The following ANK1 variants were observed in gnomAD, a reference collection of about 807,000 sequenced individuals.
ANK1 encodes ankyrin-1.
In ANK1, 51 loss-of-function variants were observed where a neutral mutation model predicts 210.4. That is an observed-to-expected ratio of 0.24 (90% CI 0.19 to 0.31). ANK1 has a LOEUF of 0.31. Ranked by LOEUF, ANK1 falls within the 10% of genes least tolerant of loss-of-function variation. ANK1 has a pLI of 1.00. For synonymous variants in ANK1, 967 were observed against 1,025.9 expected, an observed-to-expected ratio of 0.94 and a Z score of 1.10; for missense variants, 2,051 against 2,504.4, an observed-to-expected ratio of 0.82 and a Z score of 3.86.
chr8:41,860,509 G>A (rs758782023), intron 1 of ANK1, among the ~76,000 whole-genome samples: 1 of 152,228 alleles, frequency 6.6e-6, no homozygotes, highest in African/African-American at 2.4e-5. Flanking sequence ...CTAAGACGCT[G>A]TAGGCTGTGG....
intron 13 of ANK1, among the ~76,000 whole-genome samples, chr8:41,716,659 G>A (rs764088626): frequency 1.3e-5 from 2 of 152,136 alleles, no homozygotes; most frequent in African/African-American, 2.4e-5. Flanking sequence ...TCTTTAAAAC[G>A]TTGCCCCCCT....
intron 1 of ANK1, among the ~76,000 whole-genome samples, chr8:41,811,351 A>G (rs1802450702): frequency 6.6e-6 from 1 of 152,244 alleles, no homozygotes. Context: ...ACAAGAAACA[A>G]GTTAGCCTAT....
At position 41,708,968 on chromosome 8, in the gene ANK1, T is replaced by C; in HGVS notation, c.1808A>G (p.Tyr603Cys). Residue 603 changes from tyrosine to cysteine, a missense_variant, in exon 17 of 43, where the codon TAC becomes TGC. Coordinates refer to ENST00000289734, the MANE Select transcript of ANK1 (RefSeq NM_000037.4). ...CTTGGCAGCGATGTGCAAAGGGGTG[T>C]AGCCATTCTGAAACAGAAGAAGCCG... The part of the protein sequence containing the change: ...GSPHSPAWNG[Y>C]TPLHIAAKQN... The C allele has an allele frequency of 6.2e-7, 1 of 1,613,968 alleles. No homozygotes were observed.
At chr8:41,680,553 G>A (rs1201467935) in intron 37 of ANK1, among the ~76,000 whole-genome samples, 6 of 138,124 alleles carry the variant, frequency 4.3e-5, no homozygotes, top group Admixed American at 7.4e-5. Context: ...CAACAAGGGT[G>A]AAACTCTATC....
chr8:41,767,100 C>G (rs1013790662), intron 1 of ANK1, among the ~76,000 whole-genome samples: 1 of 152,288 alleles, frequency 6.6e-6, no homozygotes, highest in East Asian at 1.9e-4. Context: ...AACCCCGGCT[C>G]CAGCCCCTCC....
intron 1 of ANK1, among the ~76,000 whole-genome samples, chr8:41,830,261 CTTCTT>C (rs1450570197): frequency 2.0e-5 from 3 of 150,748 alleles, no homozygotes; most frequent in African/African-American, 7.3e-5. Context: ...CAAAGCCCCT[CTTCTT>C]TTCTTCAAAA....
In ANK1 at chr8:41,851,495, T is replaced by TGG. The variant is rs557474799; in HGVS notation, c.126+44858_126+44859dup. On this transcript the variant is annotated intron_variant, in intron 1 of 42. Transcript: ENST00000265709. ...ACTGCTTCCTGCCCTTCCTGCCTGC[T>TGG]GGGCCTCACTTCCTGCAGTACGACT... is the stretch of plus-strand genomic sequence containing the variant. 1.2e-4 allele frequency among the ~76,000 whole-genome samples: 18 copies of TGG among 152,366 alleles called. No homozygotes were observed. The East Asian group carries it at 3.1e-3, about 26-fold the overall frequency.
In ANK1 at chr8:41,694,467, A is replaced by G; in HGVS notation, c.3327+125T>C. On this transcript the variant is annotated intron_variant, in intron 28 of 42. Coordinates refer to ENST00000289734, the MANE Select transcript of ANK1 (RefSeq NM_000037.4). The surrounding 1 kb of genome is among the most constrained non-coding windows in gnomAD (Gnocchi z 5.7). The stretch of plus-strand genomic sequence containing the variant: ...ACTCTCCTTTGAGCTTTAAACTCAG[A>G]TCTCCACTGTGGCATTTCAAAGCAC... The G allele has an allele frequency of 1.0e-6, 1 of 1,004,086 alleles. No individual in the cohort carries two copies. Among genetic ancestry groups the G allele is most frequent in the Non-Finnish European group, 1.5e-6 (1 of 670,664 alleles). 62.2% of individuals were successfully genotyped at this position (1,004,086 alleles called of 1,614,324 possible).
chr8:41,882,384 T>G (rs1817742922), intron 1 of ANK1, among the ~76,000 whole-genome samples: 4 of 151,990 alleles, frequency 2.6e-5, no homozygotes, highest in African/African-American at 7.3e-5. Context: ...AACCTGACCA[T>G]CACCTTCCTG....
At chr8:41,664,819 G>A (rs927665113) in intron 39 of ANK1, 14 of 1,608,154 alleles carry the variant, frequency 8.7e-6, no homozygotes, top group African/African-American at 2.7e-5. Context: ...AGGAAGACCC[G>A]CCGCCGGACC....
At chr8:41,692,969 T>C in intron 30 of ANK1, 93 bp from the exon 31 acceptor site, 1 of 1,527,314 alleles carries the variant, frequency 6.5e-7, no homozygotes, top group Non-Finnish European at 9.1e-7. Flanking sequence ...ATACCATGGC[T>C]ACTATTGCCA....
intron 1 of ANK1, among the ~76,000 whole-genome samples, chr8:41,872,093 C>A (rs1211810155): frequency 6.6e-6 from 1 of 152,196 alleles, no homozygotes; most frequent in African/African-American, 2.4e-5. Context: ...CAGAAACAGA[C>A]GAGCCAGCAT....
At chr8:41,864,177 G>A (rs1024343622) in intron 1 of ANK1, among the ~76,000 whole-genome samples, 4 of 150,954 alleles carry the variant, frequency 2.6e-5, no homozygotes, top group Admixed American at 6.6e-5. Context: ...ATGAACCTGG[G>A]AGGTGGAGCT....
chr8:41,674,782 G>C (rs546149524), intron 37 of ANK1, among the ~76,000 whole-genome samples: 66 of 152,336 alleles, frequency 4.3e-4, no homozygotes, highest in Non-Finnish European at 8.2e-4. Flanking sequence ...GGGTGGTTGG[G>C]AGAAGGGCTG....
At chr8:41,668,665 G>A in intron 38 of ANK1, 101 bp from the exon 39 acceptor site, 1 of 1,310,460 alleles carries the variant, frequency 7.6e-7, no homozygotes, top group Non-Finnish European at 1.0e-6. Context: ...CCCACCCAGA[G>A]CTCTGGCTCA....
intron 2 of ANK1, among the ~76,000 whole-genome samples, chr8:41,748,932 G>C (rs1836918357): frequency 6.6e-6 from 1 of 152,032 alleles, no homozygotes; most frequent in Non-Finnish European, 1.5e-5. Flanking sequence ...CTACTTGGGG[G>C]GCTGAGGCAG....
intron 1 of ANK1, among the ~76,000 whole-genome samples, chr8:41,780,603 C>G (rs1254157932): frequency 1.3e-5 from 2 of 152,196 alleles, no homozygotes; most frequent in Non-Finnish European, 2.9e-5. Flanking sequence ...TCAGGGTGTT[C>G]CTGGAGTCTG....
intron 1 of ANK1, among the ~76,000 whole-genome samples, chr8:41,768,702 T>A (rs1842381328): frequency 6.6e-6 from 1 of 151,464 alleles, no homozygotes; most frequent in Non-Finnish European, 1.5e-5. Flanking sequence ...TCTTGAAGGA[T>A]CATAATCCCA....
chr8:41,722,440 T>C (rs1254726356), intron 9 of ANK1, among the ~76,000 whole-genome samples: 2 of 152,236 alleles, frequency 1.3e-5, no homozygotes, highest in African/African-American at 4.8e-5. Context: ...GGCCTGGCTT[T>C]TGCCTTGCTC....
Sources: allele counts gnomAD v4.1 joint callset (sites outside exome capture counted in the v4.1 genomes callset), GRCh38; gene constraint gnomAD v4.1.1; non-coding constraint Gnocchi (gnomAD v3.1); transcripts MANE v1.5; gene names NCBI Gene and HGNC (gene_info 2026-07-23, HGNC 2026-07-21).